Variants in GRIP1 observed in about 807,000 individuals in gnomAD.
GRIP1 encodes glutamate receptor interacting protein 1.
Under a neutral mutation model 129.9 loss-of-function variants are expected in GRIP1, and 45 were observed. The ratio of observed to expected loss-of-function variants is 0.35; its 90% confidence interval spans 0.27 to 0.44. GRIP1 has a LOEUF of 0.44. Among genes scored for constraint, GRIP1 ranks in the 20% least tolerant of loss-of-function variants. The pLI, the probability that GRIP1 is intolerant of heterozygous loss-of-function variation, is 1.00. For synonymous variants in GRIP1, 530 were observed against 520.8 expected, an observed-to-expected ratio of 1.02 and a Z score of -0.24; for missense variants, 1,196 against 1,396.8, an observed-to-expected ratio of 0.86 and a Z score of 2.29.
intron 1 of GRIP1, among the ~76,000 whole-genome samples, chr12:67,025,327 C>A (rs764322919): frequency 3.3e-5 from 5 of 151,736 alleles, no homozygotes; most frequent in East Asian, 1.9e-4. Context: ...GGTGACAGAG[C>A]GAGACTCTGT....
chr12:66,484,218 T>C (rs1050297755), intron 7 of GRIP1, among the ~76,000 whole-genome samples: 8 of 152,204 alleles, frequency 5.3e-5, no homozygotes, highest in Admixed American at 1.3e-4. Flanking sequence ...TTTTTAGAAA[T>C]ACTATTTATA....
At chr12:66,678,572 G>A (rs952640976) in intron 1 of GRIP1, among the ~76,000 whole-genome samples, 1 of 151,566 alleles carries the variant, frequency 6.6e-6, no homozygotes, top group Admixed American at 6.6e-5. Flanking sequence ...TTCAGCACCG[G>A]ACCCAAACAC....
At chr12:66,968,749 CTT>C (rs1566099289) in intron 1 of GRIP1, among the ~76,000 whole-genome samples, 1 of 151,388 alleles carries the variant, frequency 6.6e-6, no homozygotes, top group Non-Finnish European at 1.5e-5. Flanking sequence ...ACAAAGTTTT[CTT>C]TTAGCTCAAT....
At chr12:66,399,639 T>C (rs1592767105) in intron 16 of GRIP1, among the ~76,000 whole-genome samples, 1 of 152,020 alleles carries the variant, frequency 6.6e-6, no homozygotes, top group East Asian at 1.9e-4. Context: ...ACGGAACAGA[T>C]GCAAAATTGC....
chr12:66,466,543 A>G (rs2059291150), intron 7 of GRIP1, among the ~76,000 whole-genome samples: 1 of 152,218 alleles, frequency 6.6e-6, no homozygotes, highest in Admixed American at 6.5e-5. Flanking sequence ...ATGGTATCTA[A>G]GACAAGACTA....
chr12:66,706,351 C>A lies in GRIP1; in HGVS notation c.-419-76015G>T, dbSNP rs7979172. On this transcript the variant is annotated intron_variant, in intron 1 of 4. Transcript: ENST00000538373. ...GGCAAATCAAAACTGCAATAAGATA[C>A]CAAGTCAGGAAACAATAGATGCTGG... 3.3e-3 allele frequency among the ~76,000 whole-genome samples: 501 copies of A among 150,858 alleles called. 2 individuals are homozygous for A. Among genetic ancestry groups the A allele is most frequent in the African/African-American group, 0.011 (471 of 41,310 alleles).
chr12:66,361,582 C>T (rs2054770878), intron 23 of GRIP1, among the ~76,000 whole-genome samples: 1 of 152,226 alleles, frequency 6.6e-6, no homozygotes, highest in African/African-American at 2.4e-5. Flanking sequence ...AAGCTGCAAG[C>T]AAGCAGCTAG....
chr12:66,370,619 A>G (rs2055432918), intron 23 of GRIP1, among the ~76,000 whole-genome samples: 1 of 152,204 alleles, frequency 6.6e-6, no homozygotes, highest in Non-Finnish European at 1.5e-5. Context: ...ATTAACCACA[A>G]AAAATGTCTT....
At position 66,627,148 on chromosome 12, in the gene GRIP1, C is replaced by A. The variant is rs1029646884; in HGVS notation, c.56-30221G>T. 3.1e-4 allele frequency among the ~76,000 whole-genome samples: 47 copies of A among 152,304 alleles called. 1 individual carries two copies. The highest frequency in any genetic ancestry group is 1.1e-3 in the African/African-American group (47 of 41,582). On this transcript the variant is annotated intron_variant, in intron 1 of 24. Transcript: ENST00000359742. Reference sequence around the variant, plus strand: ...GTCAAGGTAGCTCACACTCACTTTACAAATACTATATTACTATTGGCTCTT... The same window carrying A: ...GTCAAGGTAGCTCACACTCACTTTAAAAATACTATATTACTATTGGCTCTT...
intron 1 of GRIP1, among the ~76,000 whole-genome samples, chr12:66,905,909 T>C (rs931665195): frequency 6.6e-6 from 1 of 152,158 alleles, no homozygotes; most frequent in Non-Finnish European, 1.5e-5. Context: ...TTTATATCTT[T>C]AAGACATTTT....
At chr12:66,390,076 A>G (rs1283202332) in intron 19 of GRIP1, among the ~76,000 whole-genome samples, 1 of 152,186 alleles carries the variant, frequency 6.6e-6, no homozygotes, top group Admixed American at 6.5e-5. Context: ...AGAGCTTTAG[A>G]GTCATCAGAG....
intron 15 of GRIP1, among the ~76,000 whole-genome samples, chr12:66,410,958 T>C (rs886761743): frequency 2.0e-5 from 3 of 152,152 alleles, no homozygotes; most frequent in African/African-American, 7.2e-5. Context: ...GATTAAGAAA[T>C]TCACTCTAAG....
At chr12:66,816,850 C>T (rs911118945) in intron 1 of GRIP1, among the ~76,000 whole-genome samples, 4 of 152,206 alleles carry the variant, frequency 2.6e-5, no homozygotes, top group Admixed American at 1.3e-4. Flanking sequence ...CCCATTTGCT[C>T]ATGAAATATG....
chr12:66,619,614 T>G (rs1330289133), intron 1 of GRIP1, among the ~76,000 whole-genome samples: 7 of 152,074 alleles, frequency 4.6e-5, no homozygotes, highest in Admixed American at 4.6e-4. Context: ...GGAAATAAAA[T>G]CAATGAGGGT....
chr12:66,868,777 C>T (rs555905394), intron 1 of GRIP1, among the ~76,000 whole-genome samples: 1 of 152,134 alleles, frequency 6.6e-6, no homozygotes, highest in African/African-American at 2.4e-5. Context: ...ATGATGTTCT[C>T]GGTCTAATTG....
chr12:66,646,599 C>T (rs746037086), intron 1 of GRIP1, among the ~76,000 whole-genome samples: 8 of 152,274 alleles, frequency 5.3e-5, no homozygotes, highest in South Asian at 4.1e-4. Context: ...TGCTTTCCTT[C>T]GTTTTCAGTT....
At chr12:66,628,075 GA>G (rs1012190710) in intron 1 of GRIP1, among the ~76,000 whole-genome samples, 1 of 152,180 alleles carries the variant, frequency 6.6e-6, no homozygotes, top group Non-Finnish European at 1.5e-5. Flanking sequence ...GCATCGAGGA[GA>G]AATCCCCCAA....
At chr12:66,581,900 T>C (rs1049981508) in intron 2 of GRIP1, among the ~76,000 whole-genome samples, 1 of 152,134 alleles carries the variant, frequency 6.6e-6, no homozygotes, top group Non-Finnish European at 1.5e-5. Context: ...CCCTAACTCA[T>C]TTTATGAGGC....
intron 1 of GRIP1, among the ~76,000 whole-genome samples, chr12:66,722,426 G>T (rs951939381): frequency 6.6e-6 from 1 of 152,130 alleles, no homozygotes; most frequent in Non-Finnish European, 1.5e-5. Flanking sequence ...GATTAGGTTT[G>T]CTGTCTTCTA....
Sources: allele counts gnomAD v4.1 joint callset (sites outside exome capture counted in the v4.1 genomes callset), GRCh38; gene constraint gnomAD v4.1.1; transcripts MANE v1.5; gene names NCBI Gene and HGNC (gene_info 2026-07-23, HGNC 2026-07-21).